KIAA0825: variants seen among roughly 807,000 people sequenced by gnomAD.
KIAA0825 encodes the protein uncharacterized protein KIAA0825.
KIAA0825 carries 119 observed loss-of-function variants against 147.6 expected under a neutral mutation model. The observed-to-expected ratio is 0.81, with a 90% CI of 0.69 to 0.94. The LOEUF is 0.94. Ranked by LOEUF, KIAA0825 falls within the 40% of genes least tolerant of loss-of-function variation. KIAA0825 has a pLI of 0.00. For missense variants in KIAA0825, 1,381 were observed against 1,472.7 expected (o/e 0.94, Z 1.02); for synonymous variants, 470 against 518.1 (o/e 0.91, Z 1.26).
chr5:94,211,507 C>G (rs1772705472), intron 20 of KIAA0825, among the ~76,000 whole-genome samples: 1 of 152,096 alleles, frequency 6.6e-6, no homozygotes, highest in Non-Finnish European at 1.5e-5. Context: ...GTCAGTGTTC[C>G]TTGCTCTAGG....
chr5:94,564,457 AGTGT>A (rs372092487), intron 2 of KIAA0825, among the ~76,000 whole-genome samples: 1 of 14,992 alleles, frequency 6.7e-5, no homozygotes, highest in East Asian at 2.3e-3. Context: ...CTTATTTTTG[AGTGT>A]GTGTGTGTGT....
intron 20 of KIAA0825, among the ~76,000 whole-genome samples, chr5:94,212,432 C>T (rs1345380762): frequency 1.3e-5 from 2 of 152,104 alleles, no homozygotes; most frequent in Non-Finnish European, 2.9e-5. Flanking sequence ...CATCAAGAAA[C>T]GTGAAGAGTC....
chr5:94,273,296 G>A (rs1243503930), intron 20 of KIAA0825, among the ~76,000 whole-genome samples: 4 of 152,054 alleles, frequency 2.6e-5, no homozygotes, highest in African/African-American at 4.8e-5. Flanking sequence ...ATATGTGTAC[G>A]GAGAGGCATT....
chr5:94,593,269 T>C (rs1446963561), intron 1 of KIAA0825: 2 of 768,010 alleles, frequency 2.6e-6, no homozygotes, highest in African/African-American at 1.7e-5. Flanking sequence ...TCAGCATTTG[T>C]ATTTTAGTCC....
At chr5:94,383,418 A>G (rs1748695865) in intron 20 of KIAA0825, among the ~76,000 whole-genome samples, 1 of 152,150 alleles carries the variant, frequency 6.6e-6, no homozygotes, top group Non-Finnish European at 1.5e-5. Context: ...TGATTTGACA[A>G]TTCTACTATG....
At position 94,151,898 on chromosome 5, in the gene KIAA0825, A is replaced by G. The variant is rs1165998270; in HGVS notation, c.*2109T>C. ...TGAAGCACAGTTATGCAGATTTAGTACACAGACCACCACTTAGCTGAAGGA... is the reference window on the plus strand; with the variant it reads ...TGAAGCACAGTTATGCAGATTTAGTGCACAGACCACCACTTAGCTGAAGGA... On this transcript the variant is annotated 3_prime_UTR_variant, in exon 21 of 21. Transcript: ENST00000682413. 3.9e-5 allele frequency among the ~76,000 whole-genome samples: 6 copies of G among 152,208 alleles called. No homozygotes were observed. The highest frequency in any genetic ancestry group is 7.4e-5 in the Non-Finnish European group (5 of 68,024).
chr5:94,286,380 T>C (rs1288522309), intron 20 of KIAA0825, among the ~76,000 whole-genome samples: 1 of 152,118 alleles, frequency 6.6e-6, no homozygotes, highest in African/African-American at 2.4e-5. Context: ...TACACACTTA[T>C]AATGATCAAA....
intron 20 of KIAA0825, among the ~76,000 whole-genome samples, chr5:94,335,684 T>G: frequency 6.6e-6 from 1 of 152,220 alleles, no homozygotes; most frequent in Admixed American, 6.5e-5. Flanking sequence ...TAATTGATTA[T>G]ATCAAGCATT....
intron 14 of KIAA0825, among the ~76,000 whole-genome samples, chr5:94,430,995 G>T (rs1247065712): frequency 6.6e-6 from 1 of 152,178 alleles, no homozygotes; most frequent in Non-Finnish European, 1.5e-5. Context: ...GTCCAAAAAT[G>T]AGAACCTCAT....
chr5:94,250,830 G>T (rs1024758334), intron 20 of KIAA0825, among the ~76,000 whole-genome samples: 14 of 152,170 alleles, frequency 9.2e-5, no homozygotes, highest in Admixed American at 2.6e-4. Flanking sequence ...TATCCAATGA[G>T]ATATGCAATG....
intron 20 of KIAA0825, among the ~76,000 whole-genome samples, chr5:94,251,255 A>C (rs1373582141): frequency 6.6e-6 from 1 of 152,106 alleles, no homozygotes; most frequent in Non-Finnish European, 1.5e-5. Context: ...GTGTTCTGTA[A>C]AAGAACATCT....
At chr5:94,505,136 G>A (rs569759283) in intron 5 of KIAA0825, among the ~76,000 whole-genome samples, 1 of 151,956 alleles carries the variant, frequency 6.6e-6, no homozygotes, top group East Asian at 2.0e-4. Flanking sequence ...GAAGTGGGTG[G>A]ATCACTTGAG....
intron 14 of KIAA0825, among the ~76,000 whole-genome samples, chr5:94,420,253 AG>A (rs1562480134): frequency 1.3e-5 from 2 of 152,160 alleles, no homozygotes; most frequent in African/African-American, 4.8e-5. Context: ...TGCACATGCC[AG>A]GGTGGATATG....
At chr5:94,518,927 T>C (rs939037773) in intron 5 of KIAA0825, among the ~76,000 whole-genome samples, 74 of 152,224 alleles carry the variant, frequency 4.9e-4, no homozygotes, top group African/African-American at 1.8e-3. Context: ...ACTTTCGTAT[T>C]GAAAAGACTT....
At chr5:94,556,127 A>C (rs1776501327) in intron 2 of KIAA0825, among the ~76,000 whole-genome samples, 1 of 151,228 alleles carries the variant, frequency 6.6e-6, no homozygotes, top group Non-Finnish European at 1.5e-5. Flanking sequence ...ATCTCAGCTC[A>C]CTGTAACCTC....
At chr5:94,327,208 C>CTGAATGGCAGGG in intron 20 of KIAA0825, among the ~76,000 whole-genome samples, 1 of 152,062 alleles carries the variant, frequency 6.6e-6, no homozygotes, top group African/African-American at 2.4e-5. Flanking sequence ...TGAGAGGTGG[C>CTGAATGGCAGGG]TGAATGGCAG....
At position 94,471,278 on chromosome 5, in the gene KIAA0825, A is replaced by G. The variant is rs149985746; in HGVS notation, c.1721+188T>C. On this transcript the variant is annotated intron_variant, in intron 9 of 20. Coordinates refer to ENST00000682413, the MANE Select transcript of KIAA0825 (RefSeq NM_001145678.3). ...GATAGTACTATCTTACTATCTATGT[A>G]TCTAGTTTAATATATCCCATGCTCC... Among the ~76,000 whole-genome samples, 396 of 152,190 alleles carry G rather than the reference A, an allele frequency of 2.6e-3. 4 individuals are homozygous for G. Among genetic ancestry groups the G allele is most frequent in the African/African-American group, 8.7e-3 (361 of 41,524 alleles).
At chr5:94,493,368 C>G (rs190364298) in intron 5 of KIAA0825, among the ~76,000 whole-genome samples, 3 of 152,328 alleles carry the variant, frequency 2.0e-5, no homozygotes, top group Non-Finnish European at 4.4e-5. Flanking sequence ...TGGTGTCACC[C>G]TTTCAGGAAT....
intron 14 of KIAA0825, among the ~76,000 whole-genome samples, chr5:94,419,413 CT>C (rs929437015): frequency 7.2e-5 from 11 of 152,226 alleles, no homozygotes; most frequent in African/African-American, 2.6e-4. Context: ...TAACCTTCCC[CT>C]TCCTCCACTG....
Sources: gnomAD v4.1 joint callset for allele counts (sites outside exome capture counted in the v4.1 genomes callset) on GRCh38, gnomAD v4.1.1 for gene constraint, MANE v1.5 for transcripts, NCBI Gene and HGNC (gene_info 2026-07-23, HGNC 2026-07-21) for gene names.